MAP1LC3B: variants seen among roughly 807,000 people sequenced by gnomAD.
The protein encoded by MAP1LC3B is microtubule-associated protein 1 light chain 3 beta.
In MAP1LC3B, 12 loss-of-function variants were observed where a neutral mutation model predicts 16.7. The ratio of observed to expected loss-of-function variants is 0.72; its 90% CI spans 0.46 to 1.16. MAP1LC3B has a LOEUF of 1.16. MAP1LC3B is among the 50% of genes most tolerant of loss of function. The pLI, the probability that MAP1LC3B is intolerant of heterozygous loss-of-function variation, is 0.00. For missense variants in MAP1LC3B, 155 were observed against 159.5 expected (o/e 0.97, Z 0.15); for synonymous variants, 63 against 56.5 (o/e 1.11, Z -0.51).
chr16:87,402,948 C>T lies in MAP1LC3B; in HGVS notation c.229C>T (p.Gln77Ter). The change falls in exon 4 of 4, where the codon CAG (glutamine) becomes TAG (stop). Residue 77 changes from glutamine (Q) to a stop codon, truncating the protein, a stop_gained. Transcript: ENST00000268607. LOFTEE classifies it high-confidence loss of function. The part of the protein sequence containing the change: ...IRRRLQLNAN[Q>*]AFFLLVNGHS... ...AAGGCGCTTACAGCTCAATGCTAATCAGGCCTTCTTCCTGTTGGTGAACGG... is the reference window on the plus strand; with the variant it reads ...AAGGCGCTTACAGCTCAATGCTAATTAGGCCTTCTTCCTGTTGGTGAACGG... 1 of 1,613,986 alleles carries T rather than the reference C, an allele frequency of 6.2e-7. No homozygotes were observed. The highest frequency in any genetic ancestry group is 8.5e-7 in the Non-Finnish European group (1 of 1,179,870).
At chr16:87,395,821 A>C (rs1316234525) in intron 1 of MAP1LC3B, among the ~76,000 whole-genome samples, 2 of 150,536 alleles carry the variant, frequency 1.3e-5, no homozygotes, top group Non-Finnish European at 3.0e-5. Context: ...CAGACTTTGA[A>C]ACTTCATAGA....
rs1908065941 is a variant in MAP1LC3B at position 87,403,399 on chromosome 16, T to C, written c.*302T>C. On this transcript the variant is annotated 3_prime_UTR_variant, in exon 4 of 4. Coordinates refer to ENST00000268607, the MANE Select transcript of MAP1LC3B (RefSeq NM_022818.5). Reference sequence around the variant, plus strand: ...CCAATAAAATAGACCTTCAAGTTATTTTAATGCTCTTTTCTCACTAATAGG... The same window carrying C: ...CCAATAAAATAGACCTTCAAGTTATCTTAATGCTCTTTTCTCACTAATAGG... 1.3e-5 allele frequency: 3 copies of C among 223,994 alleles called. No individual in the cohort carries two copies. The South Asian group carries it at 2.8e-4, about 21-fold the overall frequency. 13.9% of individuals were successfully genotyped at this position (223,994 alleles called of 1,614,324 possible).
At chr16:87,400,581 G>A (rs1417112777) in intron 2 of MAP1LC3B, among the ~76,000 whole-genome samples, 3 of 152,018 alleles carry the variant, frequency 2.0e-5, no homozygotes, top group Non-Finnish European at 2.9e-5. Context: ...AGCTAATAAT[G>A]GACTCTACTT....
intron 2 of MAP1LC3B, among the ~76,000 whole-genome samples, chr16:87,400,476 G>T (rs958036290): frequency 1.3e-5 from 2 of 152,044 alleles, no homozygotes; most frequent in African/African-American, 4.8e-5. Context: ...ACCGCACCTG[G>T]CCTCAAATAT....
rs765899721 is a variant in MAP1LC3B, at chr16:87,392,386, C to A, written c.-42C>A. Reference sequence around the variant, plus strand: ...CCGCCGCCCCCGGGAGCCGCCGGGACCCTCGCGTCGTCGCCGCCGCCGCCG... The same window carrying A: ...CCGCCGCCCCCGGGAGCCGCCGGGAACCTCGCGTCGTCGCCGCCGCCGCCG... On this transcript the variant is annotated 5_prime_UTR_variant, in exon 1 of 4. Transcript: ENST00000268607. 1 of 1,408,990 alleles carries A rather than the reference C, an allele frequency of 7.1e-7. No homozygotes were observed. The highest frequency in any genetic ancestry group is 1.5e-5 in the South Asian group (1 of 68,024). 87.3% of individuals were successfully genotyped at this position (1,408,990 alleles called of 1,614,324 possible). A position where few individuals can be genotyped will look rare whatever the true frequency, so the allele number is the denominator to read the frequency against.
At chr16:87,398,370 A>T (rs761867011) in intron 1 of MAP1LC3B, among the ~76,000 whole-genome samples, 5 of 152,278 alleles carry the variant, frequency 3.3e-5, no homozygotes, top group Admixed American at 6.5e-5. Context: ...AAAAAGCTGG[A>T]AGTGATAAGG....
chr16:87,402,499 G>A (rs766018289), intron 3 of MAP1LC3B: 109 of 571,374 alleles, frequency 1.9e-4, no homozygotes, highest in Middle Eastern at 9.1e-4. Context: ...TGCAGAGCCC[G>A]TTTCTTTCAT....
In MAP1LC3B at chr16:87,403,982, C is replaced by T. The variant is rs975116074; in HGVS notation, c.*885C>T. 6.6e-5 allele frequency: 10 copies of T among 152,182 alleles called. No homozygotes were observed. Among genetic ancestry groups the T allele is most frequent in the African/African-American group, 2.4e-4 (10 of 41,450 alleles). 9.4% of individuals were successfully genotyped at this position (152,182 alleles called of 1,614,324 possible). The stretch of plus-strand genomic sequence containing the variant: ...AACTGAAAACATTAACATTCAGACA[C>T]ACTCCCTTCTGCCTTCCGGCTTAAA... On this transcript the variant is annotated 3_prime_UTR_variant, in exon 4 of 4. Transcript: ENST00000268607.
At chr16:87,396,295 G>GA (rs1389716584) in intron 1 of MAP1LC3B, among the ~76,000 whole-genome samples, 2 of 151,040 alleles carry the variant, frequency 1.3e-5, no homozygotes, top group Admixed American at 1.3e-4. Context: ...CTAACATGAT[G>GA]AAACCCCGTC....
intron 1 of MAP1LC3B, among the ~76,000 whole-genome samples, chr16:87,395,579 G>A (rs898443150): frequency 1.3e-5 from 2 of 152,172 alleles, no homozygotes; most frequent in African/African-American, 2.4e-5. Flanking sequence ...TGGAGCATCC[G>A]TGTGTACCGT....
intron 1 of MAP1LC3B, among the ~76,000 whole-genome samples, chr16:87,395,567 A>AGTG (rs1907769048): frequency 6.6e-6 from 1 of 152,210 alleles, no homozygotes; most frequent in South Asian, 2.1e-4. Context: ...GAAGAATGAG[A>AGTG]GTGGAGCATC....
At position 87,404,221 on chromosome 16, in the gene MAP1LC3B, A is replaced by C. The variant is rs1472905532; in HGVS notation, c.*1124A>C. On this transcript the variant is annotated 3_prime_UTR_variant, in exon 4 of 4. Coordinates refer to ENST00000268607, the MANE Select transcript of MAP1LC3B (RefSeq NM_022818.5). ...CTAATGTCAAGAGTTAAACCTCCTC[A>C]GGTTCAACCTGTGATAAAAGACTAG... The C allele has an allele frequency of 1.3e-5, 2 of 152,198 alleles. No homozygotes were observed. The highest frequency in any genetic ancestry group is 2.9e-5 in the Non-Finnish European group (2 of 68,016). 9.4% of individuals were successfully genotyped at this position (152,198 alleles called of 1,614,324 possible).
At chr16:87,398,586 G>C in intron 1 of MAP1LC3B, among the ~76,000 whole-genome samples, 1 of 152,208 alleles carries the variant, frequency 6.6e-6, no homozygotes, top group East Asian at 1.9e-4. Flanking sequence ...CCTGGTCTTT[G>C]TCCTATCACC....
intron 1 of MAP1LC3B, among the ~76,000 whole-genome samples, chr16:87,394,907 CA>C (rs903232979): frequency 6.6e-6 from 1 of 151,236 alleles, no homozygotes; most frequent in Admixed American, 6.6e-5. Context: ...TCATCTCTAC[CA>C]AAAAAAGAAA....
At chr16:87,393,596 A>C (rs550477256) in intron 1 of MAP1LC3B, among the ~76,000 whole-genome samples, 23 of 152,336 alleles carry the variant, frequency 1.5e-4, no homozygotes, top group Middle Eastern at 3.4e-3. Flanking sequence ...ATATCTTTTC[A>C]GACAGCCTCT....
chr16:87,402,857 T>C (rs8051218), intron 3 of MAP1LC3B, 66 bp from the exon 4 acceptor site: 126,979 of 1,586,986 alleles, frequency 0.08, 13,961 homozygotes, highest in African/African-American at 0.54. Flanking sequence ...TGGGTGATAT[T>C]TTAACACATG....
chr16:87,394,547 A>G (rs1212775287), intron 1 of MAP1LC3B, among the ~76,000 whole-genome samples: 1 of 152,220 alleles, frequency 6.6e-6, no homozygotes, highest in Non-Finnish European at 1.5e-5. Flanking sequence ...TTTAAGGCTC[A>G]CTGAAAACAA....
At chr16:87,393,709 T>G (rs1401434496) in intron 1 of MAP1LC3B, among the ~76,000 whole-genome samples, 1 of 152,110 alleles carries the variant, frequency 6.6e-6, no homozygotes, top group East Asian at 1.9e-4. Context: ...CTAGGCTTAT[T>G]GAGCCCTGAG....
chr16:87,399,448 A>T (rs980749887), intron 2 of MAP1LC3B: 21 of 315,894 alleles, frequency 6.6e-5, no homozygotes, highest in African/African-American at 4.2e-4. Flanking sequence ...AAACTTACCA[A>T]GGAAAGTGAT....
Sources: allele counts gnomAD v4.1 joint callset (sites outside exome capture counted in the v4.1 genomes callset), GRCh38; gene constraint gnomAD v4.1.1; transcripts MANE v1.5; gene names NCBI Gene and HGNC (gene_info 2026-07-23, HGNC 2026-07-21).